The following DNAI7 variants were observed in gnomAD, a reference collection of about 807,000 sequenced individuals.
DNAI7 encodes cancer susceptibility 1.
A neutral mutation model predicts 86.6 loss-of-function variants in DNAI7; 78 were observed. The ratio of observed to expected loss-of-function variants is 0.90; its 90% CI spans 0.75 to 1.09. The LOEUF is 1.09. DNAI7 is among the 50% of genes least tolerant of loss of function. The pLI is 0.00. For synonymous variants in DNAI7, 274 were observed against 273.0 expected (o/e 1.00, Z -0.04); for missense variants, 753 against 810.2 (o/e 0.93, Z 0.86).
At chr12:25,121,454 T>G (rs1443350881) in intron 11 of DNAI7, among the ~76,000 whole-genome samples, 1 of 152,262 alleles carries the variant, frequency 6.6e-6, no homozygotes. Context: ...AGAAAAAGTT[T>G]GCCAACCTCT....
intron 2 of DNAI7, among the ~76,000 whole-genome samples, chr12:25,176,329 A>C (rs1214267972): frequency 6.6e-6 from 1 of 152,060 alleles, no homozygotes; most frequent in Admixed American, 6.6e-5. Flanking sequence ...TTTGTCTCTA[A>C]GTATTAAAAA....
intron 9 of DNAI7, among the ~76,000 whole-genome samples, chr12:25,143,254 T>A (rs983151001): frequency 1.3e-5 from 2 of 150,838 alleles, no homozygotes; most frequent in African/African-American, 4.9e-5. Context: ...TAATTTTTTT[T>A]TTTTTTTTTT....
chr12:25,155,015 A>T (rs894008864), intron 5 of DNAI7, among the ~76,000 whole-genome samples: 9 of 152,238 alleles, frequency 5.9e-5, no homozygotes, highest in Admixed American at 5.9e-4. Flanking sequence ...TTTGAGCAAG[A>T]CTAGATTGCC....
intron 2 of DNAI7, among the ~76,000 whole-genome samples, chr12:25,189,160 T>C (rs770488538): frequency 1.3e-5 from 2 of 152,216 alleles, no homozygotes; most frequent in Non-Finnish European, 2.9e-5. Flanking sequence ...GTAGATTAAA[T>C]GGGGTTTCGC....
At chr12:25,187,941 T>C (rs1474519503) in intron 2 of DNAI7, among the ~76,000 whole-genome samples, 1 of 152,010 alleles carries the variant, frequency 6.6e-6, no homozygotes, top group Non-Finnish European at 1.5e-5. Flanking sequence ...ACTCTGACAC[T>C]GGTAGAAGGA....
At chr12:25,182,804 G>A (rs1354729575) in intron 2 of DNAI7, among the ~76,000 whole-genome samples, 2 of 146,124 alleles carry the variant, frequency 1.4e-5, no homozygotes, top group African/African-American at 5.1e-5. Flanking sequence ...CACGTCTGTG[G>A]TCCCAGCTAC....
intron 9 of DNAI7, among the ~76,000 whole-genome samples, chr12:25,143,158 C>A (rs565946613): frequency 1.3e-5 from 2 of 151,922 alleles, no homozygotes; most frequent in African/African-American, 4.8e-5. Flanking sequence ...AAAATTTTCA[C>A]GTGCTTGTCA....
intron 4 of DNAI7, among the ~76,000 whole-genome samples, 187 bp downstream of exon 4, chr12:25,158,285 T>C (rs1241196774): frequency 6.6e-6 from 1 of 152,142 alleles, no homozygotes; most frequent in Non-Finnish European, 1.5e-5. Flanking sequence ...AGATGCTTAA[T>C]TTCTCTATGC....
chr12:25,109,009 G>A (rs1787388763), intron 15 of DNAI7, among the ~76,000 whole-genome samples, 186 bp from the exon 16 acceptor site: 2 of 152,046 alleles, frequency 1.3e-5, no homozygotes, highest in South Asian at 4.2e-4. Flanking sequence ...GGTGATTATG[G>A]AGCTTATCCA....
At chr12:25,185,344 ATCT>A (rs1949933365) in intron 2 of DNAI7, among the ~76,000 whole-genome samples, 1 of 152,184 alleles carries the variant, frequency 6.6e-6, no homozygotes, top group Non-Finnish European at 1.5e-5. Flanking sequence ...AGTCCCAAAA[ATCT>A]TAAGCCTCAA....
At chr12:25,168,239 A>G (rs891358987) in intron 2 of DNAI7, among the ~76,000 whole-genome samples, 7 of 152,122 alleles carry the variant, frequency 4.6e-5, no homozygotes, top group African/African-American at 1.4e-4. Flanking sequence ...TGGATCCTCT[A>G]CCTACATGTG....
At chr12:25,176,547 G>T (rs1005768892) in intron 2 of DNAI7, among the ~76,000 whole-genome samples, 1 of 151,886 alleles carries the variant, frequency 6.6e-6, no homozygotes, top group Non-Finnish European at 1.5e-5. Flanking sequence ...CAGAAATTCA[G>T]ATTAATTCTA....
chr12:25,107,267 A>G (rs1044539988), downstream of DNAI7, among the ~76,000 whole-genome samples: 2 of 152,140 alleles, frequency 1.3e-5, no homozygotes, highest in Non-Finnish European at 2.9e-5. Flanking sequence ...AATATATGTT[A>G]TATTCTATTT....
chr12:25,189,961 T>C (rs943451884), intron 2 of DNAI7, among the ~76,000 whole-genome samples: 1 of 149,236 alleles, frequency 6.7e-6, no homozygotes, highest in African/African-American at 2.5e-5. Context: ...AATCAGATTG[T>C]TGCATAAAAA....
intron 9 of DNAI7, among the ~76,000 whole-genome samples, chr12:25,132,330 G>T (rs1429178080): frequency 6.6e-6 from 1 of 152,032 alleles, no homozygotes; most frequent in African/African-American, 2.4e-5. Flanking sequence ...GAGGCCTCTA[G>T]ATTTTTTCTG....
intron 13 of DNAI7, among the ~76,000 whole-genome samples, chr12:25,113,570 G>A (rs1939435450): frequency 6.6e-6 from 1 of 152,082 alleles, no homozygotes; most frequent in Non-Finnish European, 1.5e-5. Context: ...AAAGTGCTAG[G>A]ATTACAGGCG....
chr12:25,128,219 T>C (rs897723838), intron 9 of DNAI7, among the ~76,000 whole-genome samples: 2 of 152,246 alleles, frequency 1.3e-5, no homozygotes, highest in Non-Finnish European at 1.5e-5. Flanking sequence ...AAGAAATTCA[T>C]TGATCTGAAA....
intron 4 of DNAI7, among the ~76,000 whole-genome samples, chr12:25,157,581 T>C (rs1175090303): frequency 6.6e-6 from 1 of 152,160 alleles, no homozygotes; most frequent in African/African-American, 2.4e-5. Flanking sequence ...TACTTATGTT[T>C]AATAAAATTT....
chr12:25,127,571 C>A (rs532889606), intron 9 of DNAI7, among the ~76,000 whole-genome samples: 1 of 152,192 alleles, frequency 6.6e-6, no homozygotes, highest in East Asian at 1.9e-4. Flanking sequence ...AAGATGTTTG[C>A]TTGGAAATGT....
Sources: allele counts gnomAD v4.1 joint callset (sites outside exome capture counted in the v4.1 genomes callset), GRCh38; gene constraint gnomAD v4.1.1; transcripts MANE v1.5; gene names NCBI Gene and HGNC (gene_info 2026-07-23, HGNC 2026-07-21).